The following SYT1 variants were observed in gnomAD, a reference collection of about 807,000 sequenced individuals.
SYT1 encodes the protein synaptotagmin 1, also known as synaptotagmin-1.
A neutral mutation model predicts 44.8 loss-of-function variants in SYT1; 8 were observed. That is an observed-to-expected ratio of 0.18 (90% CI 0.10 to 0.32). SYT1 has a LOEUF of 0.32. SYT1 is among the 10% of genes least tolerant of loss of function. The pLI is 1.00. For synonymous variants in SYT1, 154 were observed against 188.8 expected, an observed-to-expected ratio of 0.82 and a Z score of 1.51; for missense variants, 286 against 509.3, an observed-to-expected ratio of 0.56 and a Z score of 4.22.
chr12:79,275,247 A>G (rs763871293), intron 4 of SYT1, among the ~76,000 whole-genome samples: 2 of 152,098 alleles, frequency 1.3e-5, no homozygotes, highest in African/African-American at 2.4e-5. Context: ...GAGGAAGACT[A>G]TGGCTCTGCA....
intron 1 of SYT1, among the ~76,000 whole-genome samples, chr12:78,921,987 A>G (rs1034278631): frequency 1.7e-5 from 2 of 118,338 alleles, no homozygotes; most frequent in African/African-American, 2.9e-5. Flanking sequence ...AAATACCTTT[A>G]AAGAATAAAA....
intron 1 of SYT1, among the ~76,000 whole-genome samples, chr12:78,909,615 C>G (rs1876201117): frequency 6.6e-6 from 1 of 151,866 alleles, no homozygotes; most frequent in Non-Finnish European, 1.5e-5. Context: ...TAATCTAAGC[C>G]TAGATAGACA....
At chr12:78,989,364 G>T (rs915932255) in intron 2 of SYT1, among the ~76,000 whole-genome samples, 1 of 152,054 alleles carries the variant, frequency 6.6e-6, no homozygotes, top group African/African-American at 2.4e-5. Context: ...TATTTGTTAT[G>T]TCACTTTATT....
chr12:79,291,712 A>G, intron 5 of SYT1: 1 of 492,526 alleles, frequency 2.0e-6, no homozygotes, highest in African/African-American at 1.9e-5. Context: ...TATCAGAGCC[A>G]AATACAACAC....
intron 2 of SYT1, among the ~76,000 whole-genome samples, chr12:79,016,915 C>T (rs1334605055): frequency 8.5e-5 from 13 of 152,056 alleles, no homozygotes; most frequent in Non-Finnish European, 1.5e-5. Context: ...TATGTACTAA[C>T]TATGATGATT....
At chr12:79,279,199 A>G (rs1236577396) in intron 4 of SYT1, among the ~76,000 whole-genome samples, 1 of 151,716 alleles carries the variant, frequency 6.6e-6, no homozygotes, top group Non-Finnish European at 1.5e-5. Context: ...AGAAAAGGAC[A>G]CAGCCGAATA....
chr12:78,872,548 G>C (rs1211550774), intron 1 of SYT1, among the ~76,000 whole-genome samples: 1 of 151,762 alleles, frequency 6.6e-6, no homozygotes, highest in Non-Finnish European at 1.5e-5. Flanking sequence ...GAATTCCTTT[G>C]TGTTCTCTTC....
At chr12:79,320,619 C>T (rs546805437) in intron 8 of SYT1, among the ~76,000 whole-genome samples, 1 of 148,474 alleles carries the variant, frequency 6.7e-6, no homozygotes, top group African/African-American at 2.5e-5. Context: ...GCACCTCTCT[C>T]GGGTAATTTA....
chr12:78,975,504 G>C (rs1868757696), intron 1 of SYT1, among the ~76,000 whole-genome samples: 1 of 152,078 alleles, frequency 6.6e-6, no homozygotes, highest in Admixed American at 6.5e-5. Context: ...GCAACACTTG[G>C]CAAAGTGGGT....
chr12:79,037,383 G>A lies in SYT1; in HGVS notation c.-83-9914G>A, dbSNP rs188523963. ...ATAATTATTTTGAGTATAATGAAAT[G>A]TTAAACATGATTGAACCCAGTATGT... On this transcript the variant is annotated intron_variant, in intron 2 of 10. Coordinates refer to ENST00000261205, the MANE Select transcript of SYT1 (RefSeq NM_005639.3). Among the ~76,000 whole-genome samples the A allele has an allele frequency of 7.7e-3, 1,166 of 151,440 alleles. 54 individuals are homozygous for A. The highest frequency in any genetic ancestry group is 0.07 in the Admixed American group (1,057 of 15,142).
intron 9 of SYT1, among the ~76,000 whole-genome samples, chr12:79,355,221 C>T (rs1377928396): frequency 6.6e-6 from 1 of 152,090 alleles, no homozygotes; most frequent in East Asian, 1.9e-4. Context: ...TTAGGTCTAG[C>T]AGGTTATTTT....
At chr12:78,927,755 G>A (rs1401970225) in intron 1 of SYT1, among the ~76,000 whole-genome samples, 3 of 152,104 alleles carry the variant, frequency 2.0e-5, no homozygotes, top group Non-Finnish European at 4.4e-5. Flanking sequence ...CGTTGCTACA[G>A]TTGCTTGCCT....
chr12:79,330,753 A>G (rs974999188), intron 8 of SYT1, among the ~76,000 whole-genome samples: 3 of 152,182 alleles, frequency 2.0e-5, no homozygotes, highest in African/African-American at 4.8e-5. Flanking sequence ...TTAAATCCAC[A>G]GAACGGTCCT....
intron 1 of SYT1, among the ~76,000 whole-genome samples, chr12:78,866,327 A>G (rs541816536): frequency 6.6e-6 from 1 of 152,356 alleles, no homozygotes; most frequent in African/African-American, 2.4e-5. Flanking sequence ...TTTAGAAGGC[A>G]CATGGAGGCT....
intron 4 of SYT1, among the ~76,000 whole-genome samples, chr12:79,267,752 C>T (rs1035873667): frequency 6.6e-6 from 1 of 152,194 alleles, no homozygotes; most frequent in Non-Finnish European, 1.5e-5. Flanking sequence ...TACCAGCGCA[C>T]TTCTCCCTGG....
intron 9 of SYT1, among the ~76,000 whole-genome samples, chr12:79,362,782 T>C (rs1203651540): frequency 1.3e-5 from 2 of 152,164 alleles, no homozygotes; most frequent in African/African-American, 4.8e-5. Flanking sequence ...TGAAAGAGAA[T>C]AGATAAAAGG....
intron 4 of SYT1, among the ~76,000 whole-genome samples, chr12:79,233,894 T>A (rs1876019245): frequency 6.6e-6 from 1 of 152,210 alleles, no homozygotes; most frequent in Admixed American, 6.5e-5. Flanking sequence ...AAGTCAGTTG[T>A]GCTGCTGTTA....
chr12:78,935,809 A>G (rs939713829), intron 1 of SYT1, among the ~76,000 whole-genome samples: 4 of 152,136 alleles, frequency 2.6e-5, no homozygotes, highest in African/African-American at 9.7e-5. Context: ...TAAGAGCTAC[A>G]AACATATATA....
At chr12:79,090,790 A>G (rs1877722021) in intron 3 of SYT1, among the ~76,000 whole-genome samples, 1 of 151,992 alleles carries the variant, frequency 6.6e-6, no homozygotes, top group East Asian at 1.9e-4. Flanking sequence ...AGGTTATGGA[A>G]GGGTAAGGGG....
Sources: allele counts gnomAD v4.1 joint callset (sites outside exome capture counted in the v4.1 genomes callset), GRCh38; gene constraint gnomAD v4.1.1; transcripts MANE v1.5; gene names NCBI Gene and HGNC (gene_info 2026-07-23, HGNC 2026-07-21).